Variants in CHRM3 observed in about 807,000 individuals in gnomAD.
CHRM3 encodes the protein cholinergic receptor muscarinic 3.
In CHRM3, 11 loss-of-function variants were observed where a neutral mutation model predicts 41.8. The observed-to-expected ratio is 0.26, with a 90% CI of 0.17 to 0.44. The LOEUF is 0.44. Among genes scored for constraint, CHRM3 ranks in the 20% least tolerant of loss-of-function variants. The pLI is 1.00. For missense variants in CHRM3, 571 were observed against 745.4 expected (o/e 0.77, Z 2.72); for synonymous variants, 297 against 301.4 (o/e 0.99, Z 0.15).
intron 5 of CHRM3, among the ~76,000 whole-genome samples, chr1:239,697,305 A>G (rs1399832308): frequency 6.6e-6 from 1 of 152,124 alleles, no homozygotes; most frequent in East Asian, 1.9e-4. Flanking sequence ...GTTTCCCCGC[A>G]CAAGCTCTCT....
intron 3 of CHRM3, among the ~76,000 whole-genome samples, chr1:239,600,239 G>A (rs1404915043): frequency 6.6e-6 from 1 of 152,026 alleles, no homozygotes; most frequent in African/African-American, 2.4e-5. Flanking sequence ...CTGTGACCAT[G>A]TCAGTAGTCA....
chr1:239,620,941 C>G (rs1668293623), intron 3 of CHRM3, among the ~76,000 whole-genome samples: 1 of 152,066 alleles, frequency 6.6e-6, no homozygotes, highest in Non-Finnish European at 1.5e-5. Flanking sequence ...TTTTATTGTG[C>G]TTCAGTTCAT....
intron 5 of CHRM3, among the ~76,000 whole-genome samples, chr1:239,776,644 C>T (rs1180731120): frequency 1.3e-5 from 2 of 152,150 alleles, no homozygotes; most frequent in Admixed American, 1.3e-4. Flanking sequence ...AAGGTACTCA[C>T]CATATAGTGG....
At chr1:239,886,655 T>C (rs1014404327) in intron 6 of CHRM3, 5 of 152,220 alleles carry the variant, frequency 3.3e-5, no homozygotes, top group Non-Finnish European at 7.3e-5. Context: ...TCTAATATCA[T>C]GTAAAAATTT....
chr1:239,423,852 G>A (rs1199832068), intron 1 of CHRM3, among the ~76,000 whole-genome samples: 7 of 151,852 alleles, frequency 4.6e-5, no homozygotes, highest in Admixed American at 6.6e-5. Context: ...TCAGGAGATC[G>A]AGACCATCCT....
At chr1:239,700,235 A>C (rs765465800) in intron 5 of CHRM3, among the ~76,000 whole-genome samples, 1 of 152,108 alleles carries the variant, frequency 6.6e-6, no homozygotes, top group African/African-American at 2.4e-5. Context: ...ATAATGTTAG[A>C]ATCTCAGCTT....
At chr1:239,576,525 T>C (rs1003522873) in intron 3 of CHRM3, among the ~76,000 whole-genome samples, 3 of 151,502 alleles carry the variant, frequency 2.0e-5, no homozygotes, top group African/African-American at 7.3e-5. Context: ...GGAGTATTGC[T>C]TGAGGCAAGG....
chr1:239,718,802 A>G (rs1001370075), intron 5 of CHRM3: 3 of 152,022 alleles, frequency 2.0e-5, no homozygotes, highest in Non-Finnish European at 4.4e-5. Context: ...ACAGATCCTC[A>G]TGAGCTAGTA....
intron 1 of CHRM3, among the ~76,000 whole-genome samples, chr1:239,470,625 G>T (rs545096238): frequency 6.6e-6 from 1 of 152,076 alleles, no homozygotes; most frequent in Non-Finnish European, 1.5e-5. Context: ...CTTCTTCCTC[G>T]GACTGTTCCA....
chr1:239,633,252 T>C (rs530430941), intron 4 of CHRM3, among the ~76,000 whole-genome samples: 1 of 152,288 alleles, frequency 6.6e-6, no homozygotes, highest in Non-Finnish European at 1.5e-5. Flanking sequence ...ATTACAGGCG[T>C]GAGCCACCGC....
chr1:239,565,559 G>C (rs767595858), intron 3 of CHRM3, among the ~76,000 whole-genome samples: 1 of 151,840 alleles, frequency 6.6e-6, no homozygotes, highest in Admixed American at 6.6e-5. Flanking sequence ...TAAATGTTTC[G>C]GCAAAAATAG....
chr1:239,602,958 A>G (rs1037818486), intron 3 of CHRM3, among the ~76,000 whole-genome samples: 2 of 152,186 alleles, frequency 1.3e-5, no homozygotes, highest in African/African-American at 4.8e-5. Flanking sequence ...ACCAGTCTCC[A>G]GACCTTTTTA....
chr1:239,424,054 C>CAAA (rs772980892), intron 1 of CHRM3, among the ~76,000 whole-genome samples: 2 of 78,898 alleles, frequency 2.5e-5, no homozygotes, highest in African/African-American at 9.4e-5. Context: ...GACTCTGTCT[C>CAAA]AAAAAAAAAA....
intron 6 of CHRM3, among the ~76,000 whole-genome samples, chr1:239,891,801 C>T (rs1415761701): frequency 1.3e-5 from 2 of 152,108 alleles, no homozygotes; most frequent in African/African-American, 4.8e-5. Flanking sequence ...GGCAGATGGT[C>T]TCTTATCAGG....
rs527385985 is a variant in CHRM3 at position 239,561,096 on chromosome 1, G to C, written c.-313+15347G>C. 1.1e-3 allele frequency among the ~76,000 whole-genome samples: 172 copies of C among 152,230 alleles called. 1 individual carries two copies. The highest frequency in any genetic ancestry group is 1.8e-3 in the Non-Finnish European group (122 of 68,020). ...GGCACCATCTGGTTCATCTCAACTT[G>C]CCTGGACCAGTGTAGGTAGTAACCT... On this transcript the variant is annotated intron_variant, in intron 3 of 6. Coordinates refer to ENST00000676153, the MANE Select transcript of CHRM3 (RefSeq NM_001375978.1).
intron 6 of CHRM3, among the ~76,000 whole-genome samples, chr1:239,868,119 G>A (rs1676269954): frequency 6.6e-6 from 1 of 152,222 alleles, no homozygotes; most frequent in African/African-American, 2.4e-5. Context: ...AAGAAAGAAA[G>A]GCGAAACTCT....
intron 1 of CHRM3, among the ~76,000 whole-genome samples, chr1:239,471,431 G>A (rs1405278463): frequency 1.3e-5 from 2 of 152,110 alleles, no homozygotes; most frequent in Non-Finnish European, 2.9e-5. Flanking sequence ...GACTCCCCCT[G>A]GTCCATTGTT....
intron 5 of CHRM3, among the ~76,000 whole-genome samples, chr1:239,755,923 A>T (rs115620430): frequency 6.6e-6 from 1 of 152,238 alleles, no homozygotes; most frequent in African/African-American, 2.4e-5. Context: ...CAGGGAATAC[A>T]AAGAAAAAAA....
intron 3 of CHRM3, among the ~76,000 whole-genome samples, chr1:239,552,266 A>ATATTT (rs546049378): frequency 1.0e-5 from 1 of 95,572 alleles, no homozygotes; most frequent in Admixed American, 1.2e-4. Flanking sequence ...GATATGTATC[A>ATATTT]TATATATGTA....
Sources: allele counts gnomAD v4.1 joint callset (sites outside exome capture counted in the v4.1 genomes callset), GRCh38; gene constraint gnomAD v4.1.1; transcripts MANE v1.5; gene names NCBI Gene and HGNC (gene_info 2026-07-23, HGNC 2026-07-21).